The following ARHGAP28 variants were observed in gnomAD, a reference collection of about 807,000 sequenced individuals.
ARHGAP28 encodes the protein Rho GTPase activating protein 28, also known as rho GTPase-activating protein 28.
In ARHGAP28, 56 loss-of-function variants were observed where a neutral mutation model predicts 90.7. The ratio of observed to expected loss-of-function variants is 0.62; its 90% CI spans 0.50 to 0.77. The LOEUF is 0.77. ARHGAP28 is among the 30% of genes least tolerant of loss of function. ARHGAP28 has a pLI of 0.00. For missense variants in ARHGAP28, 869 were observed against 900.9 expected, an observed-to-expected ratio of 0.96 and a Z score of 0.45; for synonymous variants, 308 against 323.3, an observed-to-expected ratio of 0.95 and a Z score of 0.51.
At chr18:6,895,777 G>A (rs890306799) in intron 15 of ARHGAP28, among the ~76,000 whole-genome samples, 17 of 152,224 alleles carry the variant, frequency 1.1e-4, no homozygotes, top group Admixed American at 7.2e-4. Flanking sequence ...GTCACGTTTC[G>A]AGGTATTGGG....
intron 1 of ARHGAP28, among the ~76,000 whole-genome samples, chr18:6,820,074 A>T (rs1232195086): frequency 6.6e-6 from 1 of 152,076 alleles, no homozygotes; most frequent in Non-Finnish European, 1.5e-5. Flanking sequence ...GGTCGTTTTT[A>T]TATCAATATT....
At chr18:6,912,015 A>G in intron 17 of ARHGAP28, 45 bp from the exon 18 acceptor site, 1 of 1,350,900 alleles carries the variant, frequency 7.4e-7, no homozygotes, top group Non-Finnish European at 1.0e-6. Context: ...GCACGCACAC[A>G]CACACAAATG....
At chr18:6,785,517 C>T (rs2056358468) in intron 1 of ARHGAP28, among the ~76,000 whole-genome samples, 1 of 152,192 alleles carries the variant, frequency 6.6e-6, no homozygotes, top group Non-Finnish European at 1.5e-5. Context: ...CAGTTGCTTC[C>T]TCCTCTTTGC....
chr18:6,885,757 C>T (rs1235510823), intron 11 of ARHGAP28, among the ~76,000 whole-genome samples: 3 of 151,064 alleles, frequency 2.0e-5, no homozygotes, highest in African/African-American at 7.3e-5. Context: ...ACACAGTGGT[C>T]CCAAGCCTAC....
intron 5 of ARHGAP28, among the ~76,000 whole-genome samples, chr18:6,862,002 A>G (rs996179694): frequency 2.0e-5 from 3 of 152,190 alleles, no homozygotes; most frequent in Non-Finnish European, 4.4e-5. Context: ...TGACATAAAT[A>G]AAAGTTTCAG....
At chr18:6,774,742 C>A (rs1278208855) in intron 1 of ARHGAP28, among the ~76,000 whole-genome samples, 1 of 152,180 alleles carries the variant, frequency 6.6e-6, no homozygotes, top group Non-Finnish European at 1.5e-5. Context: ...CAAGCCTTTC[C>A]TCCTGCTGTC....
chr18:6,799,769 A>T (rs1450117742), intron 1 of ARHGAP28, among the ~76,000 whole-genome samples: 1 of 152,202 alleles, frequency 6.6e-6, no homozygotes, highest in Non-Finnish European at 1.5e-5. Flanking sequence ...CCTGGAAGAA[A>T]ACCTAGGCAA....
chr18:6,814,369 C>A (rs1179074122), intron 1 of ARHGAP28, among the ~76,000 whole-genome samples: 1 of 152,062 alleles, frequency 6.6e-6, no homozygotes, highest in Admixed American at 6.6e-5. Flanking sequence ...CGGATAATAC[C>A]CTTGACCTTG....
intron 5 of ARHGAP28, among the ~76,000 whole-genome samples, chr18:6,864,421 T>C (rs530038419): frequency 2.0e-4 from 31 of 152,342 alleles, no homozygotes; most frequent in African/African-American, 7.0e-4. Context: ...TCCCAATTTG[T>C]ATGAATTTTG....
rs2057401130 is a variant in ARHGAP28, at chr18:6,911,861, A to G, written c.2096-199A>G. 2.0e-5 allele frequency among the ~76,000 whole-genome samples: 3 copies of G among 152,236 alleles called. No individual in the cohort carries two copies. In the South Asian group the frequency reaches 6.2e-4, roughly 32 times the overall value. On this transcript the variant is annotated intron_variant, in intron 17 of 17. Transcript: ENST00000383472. Reference sequence around the variant, plus strand: ...ATACCCATACTTCACAGTCTTAAAGAAAGAAAAAAAAAAGAAAGGAGAGAG... The same window carrying G: ...ATACCCATACTTCACAGTCTTAAAGGAAGAAAAAAAAAAGAAAGGAGAGAG...
chr18:6,795,933 A>G (rs531750808), intron 1 of ARHGAP28, among the ~76,000 whole-genome samples: 2 of 152,232 alleles, frequency 1.3e-5, no homozygotes, highest in Non-Finnish European at 2.9e-5. Flanking sequence ...CTTGCATTTC[A>G]TGTGTAACAT....
chr18:6,794,274 G>A (rs1051432158), intron 1 of ARHGAP28, among the ~76,000 whole-genome samples: 3 of 152,002 alleles, frequency 2.0e-5, no homozygotes, highest in African/African-American at 4.8e-5. Context: ...CTTTTTTTCT[G>A]TCATAATACA....
rs548396980 is a variant in ARHGAP28 at position 6,853,927 on chromosome 18, G to A, written c.636+2801G>A. 4.6e-5 allele frequency among the ~76,000 whole-genome samples: 7 copies of A among 152,230 alleles called. No individual in the cohort carries two copies. The East Asian group carries it at 9.7e-4, about 21-fold the overall frequency. ...AAAAGTAGGCTGTACTCTGACCACC[G>A]TGGGCACATGTTGTCAGGACACCCT... On this transcript the variant is annotated intron_variant, in intron 4 of 17. Transcript: ENST00000383472.
At position 6,915,180 on chromosome 18, in the gene ARHGAP28, A is replaced by G. The variant is rs2057416442; in HGVS notation, c.*3026A>G. The G allele has an allele frequency of 6.6e-6, 1 of 152,178 alleles. No individual in the cohort carries two copies. Among genetic ancestry groups the G allele is most frequent in the African/African-American group, 2.4e-5 (1 of 41,444 alleles). 9.4% of individuals were successfully genotyped at this position (152,178 alleles called of 1,614,324 possible). On this transcript the variant is annotated 3_prime_UTR_variant, in exon 18 of 18. Transcript: ENST00000383472. ...TCTGAGAGAATTCTGTGTCCTGCTCATTGTCTTGAGTTTCTAACCATGTGC... is the reference window on the plus strand; with the variant it reads ...TCTGAGAGAATTCTGTGTCCTGCTCGTTGTCTTGAGTTTCTAACCATGTGC...
At chr18:6,745,423 T>C (rs528048107) in intron 1 of ARHGAP28, among the ~76,000 whole-genome samples, 1 of 152,270 alleles carries the variant, frequency 6.6e-6, no homozygotes, top group Admixed American at 6.5e-5. Context: ...TCTAAAGACC[T>C]CCAGGATTTC....
intron 3 of ARHGAP28, among the ~76,000 whole-genome samples, chr18:6,846,158 A>G (rs2056864698): frequency 6.6e-6 from 1 of 152,136 alleles, no homozygotes; most frequent in Admixed American, 6.5e-5. Flanking sequence ...TACAGTGAGA[A>G]ACTTTCCTCT....
intron 1 of ARHGAP28, among the ~76,000 whole-genome samples, chr18:6,747,524 G>A (rs1224568619): frequency 6.6e-6 from 1 of 152,150 alleles, no homozygotes; most frequent in African/African-American, 2.4e-5. Context: ...TAATAAAAGT[G>A]CCTCACTTTG....
intron 2 of ARHGAP28, among the ~76,000 whole-genome samples, chr18:6,826,871 T>A (rs1412343935): frequency 3.3e-5 from 5 of 151,970 alleles, no homozygotes; most frequent in African/African-American, 4.8e-5. Flanking sequence ...TACTTGAGAT[T>A]AGGGAGTGGT....
At chr18:6,832,505 T>C (rs1246727018) in intron 2 of ARHGAP28, among the ~76,000 whole-genome samples, 4 of 152,082 alleles carry the variant, frequency 2.6e-5, no homozygotes, top group Non-Finnish European at 5.9e-5. Flanking sequence ...TTAAAATCTC[T>C]AACTTTTATT....
Sources: gnomAD v4.1 joint callset for allele counts (sites outside exome capture counted in the v4.1 genomes callset) on GRCh38, gnomAD v4.1.1 for gene constraint, MANE v1.5 for transcripts, NCBI Gene and HGNC (gene_info 2026-07-23, HGNC 2026-07-21) for gene names.